Variants in ERFL observed in about 807,000 individuals in gnomAD.
ERFL encodes the protein ETS domain-containing transcription factor ERF-like.
In ERFL, 8 loss-of-function variants were observed where a neutral mutation model predicts 27.9. The observed-to-expected ratio is 0.29, with a 90% CI of 0.17 to 0.52. ERFL has a LOEUF of 0.52. Among genes scored for constraint, ERFL ranks in the 20% least tolerant of loss-of-function variants. ERFL has a pLI of 0.97. For missense variants in ERFL, 294 were observed against 444.4 expected (o/e 0.66, Z 3.04); for synonymous variants, 174 against 202.8 (o/e 0.86, Z 1.21).
In ERFL at chr19:41,910,768, G is replaced by C. The variant is rs1199882989; in HGVS notation, c.68-671C>G. ...ATGCCCACGGAAGACATGTCACACA[G>C]ACATCAGTTCACTTGCCTGAGACAC... On this transcript the variant is annotated intron_variant, in intron 2 of 5. Coordinates refer to ENST00000597630, the MANE Select transcript of ERFL (RefSeq NM_001365103.2). This position sits in a 1 kb window ranked among gnomAD's most constrained non-coding sequence, Gnocchi z 4.4. Among the ~76,000 whole-genome samples, 2 of 152,126 alleles carry C rather than the reference G, an allele frequency of 1.3e-5. No individual in the cohort carries two copies. The highest frequency in any genetic ancestry group is 2.4e-5 in the African/African-American group (1 of 41,404).
intron 1 of ERFL, among the ~76,000 whole-genome samples, chr19:41,927,483 C>T (rs782206497): frequency 5.9e-5 from 9 of 152,092 alleles, no homozygotes; most frequent in Non-Finnish European, 1.3e-4. Flanking sequence ...AACTCCTATG[C>T]TGATCCCCAG....
rs926674240 is a variant in ERFL at position 41,921,999 on chromosome 19, C to T, written c.-14+6041G>A. ...TTCCCCACCCTTGCCTTCATTCTACCTCCACCCCCAGCCTCACTCCACATC... is the reference window on the plus strand; with the variant it reads ...TTCCCCACCCTTGCCTTCATTCTACTTCCACCCCCAGCCTCACTCCACATC... On this transcript the variant is annotated intron_variant, in intron 1 of 5. Transcript: ENST00000597630. This position sits in a 1 kb window ranked among gnomAD's most constrained non-coding sequence, Gnocchi z 4.4. Among the ~76,000 whole-genome samples, 2 of 151,300 alleles carry T rather than the reference C, an allele frequency of 1.3e-5. No individual in the cohort carries two copies. Among genetic ancestry groups the T allele is most frequent in the Non-Finnish European group, 2.9e-5 (2 of 67,852 alleles).
At position 41,910,134 on chromosome 19, in the gene ERFL, A is replaced by C. The variant is rs981183049; in HGVS notation, c.68-37T>G. On this transcript the variant is annotated intron_variant, in intron 2 of 5. Coordinates refer to ENST00000597630, the MANE Select transcript of ERFL (RefSeq NM_001365103.2). This position sits in a 1 kb window ranked among gnomAD's most constrained non-coding sequence, Gnocchi z 4.4. ...AGGCAGGGAGTGGCCTGGGGTCAGGATGCCAAGTCCAGGGCTCTGGGTCCT... is the reference window on the plus strand; with the variant it reads ...AGGCAGGGAGTGGCCTGGGGTCAGGCTGCCAAGTCCAGGGCTCTGGGTCCT... 320 of 1,585,326 alleles carry C rather than the reference A, an allele frequency of 2.0e-4. No individual in the cohort carries two copies. The highest frequency in any genetic ancestry group is 2.5e-4 in the Non-Finnish European group (297 of 1,165,506).
intron 1 of ERFL, among the ~76,000 whole-genome samples, chr19:41,918,424 T>TCACA (rs201443484): frequency 2.7e-4 from 35 of 131,640 alleles, no homozygotes; most frequent in African/African-American, 8.9e-4. Flanking sequence ...CACACACATA[T>TCACA]CACACACACA....
intron 2 of ERFL, among the ~76,000 whole-genome samples, chr19:41,911,447 C>G (rs142087827): frequency 6.6e-6 from 1 of 152,188 alleles, no homozygotes; most frequent in Non-Finnish European, 1.5e-5. Context: ...TGTCCACTTG[C>G]TGTGTGATTA....
chr19:41,914,256 G>A (rs1599673730), intron 1 of ERFL, among the ~76,000 whole-genome samples: 1 of 145,292 alleles, frequency 6.9e-6, no homozygotes, highest in Admixed American at 6.9e-5. Flanking sequence ...CATCTGCCCC[G>A]TCTCGGTATC....
chr19:41,911,151 C>T (rs938206602), intron 2 of ERFL, among the ~76,000 whole-genome samples: 4 of 152,278 alleles, frequency 2.6e-5, no homozygotes, highest in Admixed American at 6.5e-5. Context: ...CTGACACCCC[C>T]GGCTCACTCA....
At chr19:41,923,228 A>G (rs1555852810) in intron 1 of ERFL, 1 of 455,744 alleles carries the variant, frequency 2.2e-6, no homozygotes, top group Non-Finnish European at 4.4e-6. Context: ...CTGGACTTGA[A>G]TGCAGGTCAG....
intron 1 of ERFL, among the ~76,000 whole-genome samples, chr19:41,920,534 A>G (rs1253627393): frequency 2.0e-5 from 3 of 148,214 alleles, no homozygotes; most frequent in African/African-American, 7.8e-5. Flanking sequence ...GACATGATGC[A>G]CTCACAGACA....
Position 41,913,076 on chromosome 19 carries a change from C to T in ERFL, c.-13-144G>A, listed in dbSNP as rs2074763483. 7.5e-6 allele frequency: 3 copies of T among 400,418 alleles called. No homozygotes were observed. The East Asian group carries it at 1.1e-4, about 14-fold the overall frequency. The allele number at this position is 400,418 out of a possible 1,614,324, so 24.8% of individuals were successfully genotyped here. On this transcript the variant is annotated intron_variant, in intron 1 of 5. Coordinates refer to ENST00000597630, the MANE Select transcript of ERFL (RefSeq NM_001365103.2). ...CCCTCTCCCCGCAATCCCTCCTGCC[C>T]ACTCCCTCCCGCAGGCACCGCTCTG... is the stretch of plus-strand genomic sequence containing the variant.
chr19:41,920,090 GCTCACAGACATACA>G (rs2074830717), intron 1 of ERFL, among the ~76,000 whole-genome samples: 8 of 105,412 alleles, frequency 7.6e-5, no homozygotes, highest in Admixed American at 3.6e-4. Flanking sequence ...GACATGACAC[GCTCACAGACATACA>G]CTCACAGACA....
chr19:41,908,612 G>A lies in ERFL; in HGVS notation c.681C>T (p.Tyr227=). The A allele has an allele frequency of 8.1e-7, 1 of 1,231,834 alleles. No homozygotes were observed. 76.3% of individuals were successfully genotyped at this position (1,231,834 alleles called of 1,614,324 possible). The change falls in exon 6 of 6, where the codon TAC becomes TAT. Residue 227 remains tyrosine (Y), a synonymous_variant. Transcript: ENST00000597630. This position sits in a 1 kb window ranked among gnomAD's most constrained non-coding sequence, Gnocchi z 6.7. ...TGAGGTACGGGTTAAAGTTCCAGGG[G>A]TACTCAGGGAAGGCGCGGCCATAAG... ...LGPYGRAFPE[Y]PWNFNPYLTG... is the part of the protein sequence containing the mutation.
chr19:41,920,361 A>G (rs1555852361), intron 1 of ERFL, among the ~76,000 whole-genome samples: 1 of 144,328 alleles, frequency 6.9e-6, no homozygotes, highest in Admixed American at 7.0e-5. Flanking sequence ...GACGTGACGC[A>G]CAGACATGAC....
At chr19:41,912,704 G>A (rs1599672524) in intron 2 of ERFL, 149 bp downstream of exon 2, 2 of 398,988 alleles carry the variant, frequency 5.0e-6, no homozygotes, top group East Asian at 7.1e-5. Context: ...TTCTCAGAAG[G>A]GGTTTGATTT....
intron 1 of ERFL, among the ~76,000 whole-genome samples, chr19:41,918,413 C>G (rs916339902): frequency 7.3e-6 from 1 of 136,388 alleles, no homozygotes; most frequent in Non-Finnish European, 1.5e-5. Flanking sequence ...ATCACACACA[C>G]CACACACATA....
chr19:41,918,718 C>T (rs1218321467), intron 1 of ERFL, among the ~76,000 whole-genome samples: 5 of 149,006 alleles, frequency 3.4e-5, no homozygotes, highest in African/African-American at 5.0e-5. Context: ...ACACACACCA[C>T]GTACACACCA....
At chr19:41,924,183 AC>A (rs1327286030) in intron 1 of ERFL, among the ~76,000 whole-genome samples, 3 of 151,706 alleles carry the variant, frequency 2.0e-5, no homozygotes, top group Non-Finnish European at 4.4e-5. Flanking sequence ...AGCAAGTGTC[AC>A]CAAAGTCCCT....
rs1412185772 is a variant in ERFL at position 41,917,276 on chromosome 19, GTCTC to G, written c.-13-4348_-13-4345del. The stretch of plus-strand genomic sequence containing the variant: ...TCTCTCTCTCTGGGTGCATCTCTCT[GTCTC>G]TCTCTGTCTCTGTCCCTCTCTGTCT... On this transcript the variant is annotated intron_variant, in intron 1 of 5. Transcript: ENST00000597630. This position sits in a 1 kb window ranked among gnomAD's most constrained non-coding sequence, Gnocchi z 4.8. Among the ~76,000 whole-genome samples, 1 of 151,922 alleles carries G rather than the reference GTCTC, an allele frequency of 6.6e-6. No homozygotes were observed. Among genetic ancestry groups the G allele is most frequent in the Non-Finnish European group, 1.5e-5 (1 of 67,974 alleles).
intron 1 of ERFL, among the ~76,000 whole-genome samples, chr19:41,914,804 C>T (rs1162507523): frequency 1.9e-4 from 6 of 31,710 alleles, no homozygotes; most frequent in South Asian, 1.1e-3. Flanking sequence ...TCTGTCTCTC[C>T]CTCCCCCTCC....
Sources: gnomAD v4.1 joint callset for allele counts (sites outside exome capture counted in the v4.1 genomes callset) on GRCh38, gnomAD v4.1.1 for gene constraint, Gnocchi (gnomAD v3.1) non-coding constraint, MANE v1.5 for transcripts, NCBI Gene and HGNC (gene_info 2026-07-23, HGNC 2026-07-21) for gene names.